The following BCAS3 variants were observed in gnomAD, a reference collection of about 807,000 sequenced individuals.
The protein encoded by BCAS3 is BCAS4/BCAS3 fusion.
Under a neutral mutation model 116.1 loss-of-function variants are expected in BCAS3, and 53 were observed. That is an observed-to-expected ratio of 0.46 (90% confidence interval 0.37 to 0.57). The LOEUF (loss-of-function observed/expected upper bound fraction) is 0.57, where lower values mean the gene tolerates loss of function less well. BCAS3 is among the 20% of genes least tolerant of loss of function. The pLI, the probability that BCAS3 is intolerant of heterozygous loss-of-function variation, is 0.00. For missense variants in BCAS3, 917 were observed against 1,165.4 expected, an observed-to-expected ratio of 0.79 and a Z score of 3.10; for synonymous variants, 391 against 408.2, an observed-to-expected ratio of 0.96 and a Z score of 0.51.
chr17:60,889,934 C>T (rs1012158534), intron 10 of BCAS3, among the ~76,000 whole-genome samples, 163 bp downstream of exon 10: 5 of 152,136 alleles, frequency 3.3e-5, no homozygotes, highest in East Asian at 3.8e-4. Flanking sequence ...TAATTGAACT[C>T]GTTTAAGAAT....
At chr17:61,079,241 ATAGT>A (rs2072320756) in intron 21 of BCAS3, among the ~76,000 whole-genome samples, 1 of 152,162 alleles carries the variant, frequency 6.6e-6, no homozygotes, top group Non-Finnish European at 1.5e-5. Flanking sequence ...AAAAAACTCT[ATAGT>A]ATATCTTGAA....
intron 13 of BCAS3, among the ~76,000 whole-genome samples, chr17:60,928,918 A>T (rs2145176042): frequency 6.6e-6 from 1 of 152,308 alleles, no homozygotes; most frequent in South Asian, 2.1e-4. Flanking sequence ...ACACACATAC[A>T]TAGAGGACAT....
intron 7 of BCAS3, among the ~76,000 whole-genome samples, chr17:60,854,870 T>G (rs1263397550): frequency 6.6e-6 from 1 of 152,036 alleles, no homozygotes. Flanking sequence ...TGCCCTTCAG[T>G]AGATGAATGG....
In BCAS3 at chr17:60,807,855, T is replaced by C. The variant is rs1430062131; in HGVS notation, c.404-149T>C. ...TATAATATATGATGATTTTATATAGTAGCTTTTCTTCTTTTTATTCAATTG... is the reference window on the plus strand; with the variant it reads ...TATAATATATGATGATTTTATATAGCAGCTTTTCTTCTTTTTATTCAATTG... On this transcript the variant is annotated intron_variant, in intron 6 of 23. Transcript: ENST00000407086. The C allele has an allele frequency of 1.3e-5, 7 of 538,044 alleles. No individual in the cohort carries two copies. In the African/African-American group the frequency reaches 1.4e-4, roughly 11 times the overall value. 33.3% of individuals were successfully genotyped at this position (538,044 alleles called of 1,614,324 possible).
intron 10 of BCAS3, among the ~76,000 whole-genome samples, chr17:60,900,353 G>T (rs1453466463): frequency 6.6e-6 from 1 of 152,038 alleles, no homozygotes; most frequent in African/African-American, 2.4e-5. Flanking sequence ...GCCTGGGAGG[G>T]TAGAGGGTCT....
intron 14 of BCAS3, among the ~76,000 whole-genome samples, chr17:60,951,245 CTT>C (rs969963682): frequency 2.7e-4 from 41 of 152,054 alleles, no homozygotes; most frequent in African/African-American, 9.9e-4. Flanking sequence ...TTATTTTTCT[CTT>C]ATTATATTGT....
Position 61,222,006 on chromosome 17 carries a change from T to C in BCAS3, c.2425+137442T>C, listed in dbSNP as rs1363766178. Among the ~76,000 whole-genome samples the C allele has an allele frequency of 6.6e-6, 1 of 152,234 alleles. No homozygotes were observed. The highest frequency in any genetic ancestry group is 1.9e-4 in the East Asian group (1 of 5,198). On this transcript the variant is annotated intron_variant, in intron 22 of 23. Coordinates refer to ENST00000407086, the MANE Select transcript of BCAS3 (RefSeq NM_017679.5). The surrounding 1 kb of genome is among the most constrained non-coding windows in gnomAD (Gnocchi z 6.1). ...CAGTACCTGGCACACGGTGACGTGC[T>C]TAACAGGGGCTGATATTACTATTAC...
chr17:60,972,575 G>A (rs1052996606), intron 14 of BCAS3, among the ~76,000 whole-genome samples: 6 of 150,178 alleles, frequency 4.0e-5, no homozygotes, highest in African/African-American at 1.5e-4. Flanking sequence ...AGCCTCCCAA[G>A]TAGCTGGGAC....
chr17:60,740,028 T>C (rs1471905274), intron 5 of BCAS3, among the ~76,000 whole-genome samples: 1 of 152,198 alleles, frequency 6.6e-6, no homozygotes, highest in Non-Finnish European at 1.5e-5. Context: ...TTTTTCTTTA[T>C]CTTTGATTTG....
chr17:60,878,008 T>C (rs900773014), intron 9 of BCAS3, among the ~76,000 whole-genome samples: 18 of 137,156 alleles, frequency 1.3e-4, no homozygotes, highest in African/African-American at 2.1e-4. Flanking sequence ...AATGTCTTTT[T>C]TTTTCTTTTT....
At position 61,249,075 on chromosome 17, in the gene BCAS3, G is replaced by A. The variant is rs1228843018; in HGVS notation, c.2426-119252G>A. Among the ~76,000 whole-genome samples, 1 of 151,998 alleles carries A rather than the reference G, an allele frequency of 6.6e-6. No homozygotes were observed. Among genetic ancestry groups the A allele is most frequent in the Non-Finnish European group, 1.5e-5 (1 of 67,990 alleles). ...CCGAGGCAGGTAGATCCCCTGAGGT[G>A]AGGAGTTTGAGACCAGCCTGGCCAA... On this transcript the variant is annotated intron_variant, in intron 22 of 23. Coordinates refer to ENST00000407086, the MANE Select transcript of BCAS3 (RefSeq NM_017679.5). This position sits in a 1 kb window ranked among gnomAD's most constrained non-coding sequence, Gnocchi z 6.2.
chr17:61,186,975 G>T lies in BCAS3; in HGVS notation c.2425+102411G>T, dbSNP rs910676435. Among the ~76,000 whole-genome samples, 1 of 152,158 alleles carries T rather than the reference G, an allele frequency of 6.6e-6. No individual in the cohort carries two copies. The highest frequency in any genetic ancestry group is 1.5e-5 in the Non-Finnish European group (1 of 68,030). On this transcript the variant is annotated intron_variant, in intron 22 of 23. Coordinates refer to ENST00000407086, the MANE Select transcript of BCAS3 (RefSeq NM_017679.5). The surrounding 1 kb of genome is among the most constrained non-coding windows in gnomAD (Gnocchi z 4.9). ...TCCACCCACCTCGGCCTCCCAAAGT[G>T]CTGGGATTACAAGCGTGAGCCACTG...
rs1203568998 is a variant in BCAS3, at chr17:60,761,719, C to A, written c.403+14440C>A. ...GATTTATAATCCTTTGGGTATATAC[C>A]CAGTAATGGGATTGCTGGGCTAAAT... is the stretch of plus-strand genomic sequence containing the variant. On this transcript the variant is annotated intron_variant, in intron 6 of 23. Coordinates refer to ENST00000407086, the MANE Select transcript of BCAS3 (RefSeq NM_017679.5). Among the ~76,000 whole-genome samples the A allele has an allele frequency of 2.6e-5, 4 of 151,150 alleles. No homozygotes were observed. The East Asian group carries it at 7.7e-4, about 29-fold the overall frequency.
chr17:60,921,331 C>G (rs1290734291), intron 12 of BCAS3, among the ~76,000 whole-genome samples: 2 of 152,166 alleles, frequency 1.3e-5, no homozygotes, highest in Non-Finnish European at 2.9e-5. Flanking sequence ...ACTCCATATT[C>G]TCACTTATAA....
At chr17:61,231,461 A>T (rs1332054422) in intron 22 of BCAS3, among the ~76,000 whole-genome samples, 6 of 152,286 alleles carry the variant, frequency 3.9e-5, no homozygotes, top group Admixed American at 6.5e-5. Flanking sequence ...GAAGTTTCAG[A>T]TATTTGTTCA....
chr17:61,341,962 T>G (rs2057189249), intron 22 of BCAS3, among the ~76,000 whole-genome samples: 1 of 152,230 alleles, frequency 6.6e-6, no homozygotes, highest in Non-Finnish European at 1.5e-5. Flanking sequence ...TTATGAGACG[T>G]GGACAGGCAG....
intron 14 of BCAS3, 98 bp downstream of exon 14, chr17:60,947,450 TGTG>T: frequency 7.7e-7 from 1 of 1,297,244 alleles, no homozygotes; most frequent in Non-Finnish European, 1.0e-6. Context: ...TGTTGATGTT[TGTG>T]AGAAAATATT....
rs766746614 is a variant in BCAS3, at chr17:61,063,511, G to A, written c.2030-11409G>A. Among the ~76,000 whole-genome samples, 6 of 151,940 alleles carry A rather than the reference G, an allele frequency of 3.9e-5. No individual in the cohort carries two copies. The highest frequency in any genetic ancestry group is 6.6e-5 in the Admixed American group (1 of 15,262). On this transcript the variant is annotated intron_variant, in intron 19 of 23. Transcript: ENST00000407086. This position sits in a 1 kb window ranked among gnomAD's most constrained non-coding sequence, Gnocchi z 5.3. ...TCTCGATCTCTTGATCTCGTGATCC[G>A]CCACCTCGGCCTCCCAAAGTGCTGG...
At chr17:60,987,708 T>A (rs1397869764) in intron 14 of BCAS3, among the ~76,000 whole-genome samples, 1 of 152,196 alleles carries the variant, frequency 6.6e-6, no homozygotes, top group Non-Finnish European at 1.5e-5. Flanking sequence ...TGAATTTGTT[T>A]ATCAGTTCTG....
Sources: gnomAD v4.1 joint callset for allele counts (sites outside exome capture counted in the v4.1 genomes callset) on GRCh38, gnomAD v4.1.1 for gene constraint, Gnocchi (gnomAD v3.1) non-coding constraint, MANE v1.5 for transcripts, NCBI Gene and HGNC (gene_info 2026-07-23, HGNC 2026-07-21) for gene names.